Variants in LYPD6B observed in about 807,000 individuals in gnomAD.
LYPD6B encodes ly6/PLAUR domain-containing protein 6B.
A neutral mutation model predicts 22.8 loss-of-function variants in LYPD6B; 17 were observed. The observed-to-expected ratio is 0.75, with a 90% confidence interval of 0.51 to 1.12. The LOEUF is 1.12. Ranked by LOEUF, LYPD6B falls within the 50% of genes most tolerant of loss-of-function variation. LYPD6B has a pLI of 0.00. For missense variants in LYPD6B, 221 were observed against 258.3 expected, an observed-to-expected ratio of 0.86 and a Z score of 0.99; for synonymous variants, 106 against 91.6, an observed-to-expected ratio of 1.16 and a Z score of -0.90.
intron 1 of LYPD6B, among the ~76,000 whole-genome samples, chr2:149,067,378 T>A (rs1285403323): frequency 6.6e-6 from 1 of 152,152 alleles, no homozygotes; most frequent in Non-Finnish European, 1.5e-5. Context: ...AAACATCTTT[T>A]AAAAAGTTGT....
At chr2:149,042,143 A>G (rs1204875428) in intron 1 of LYPD6B, among the ~76,000 whole-genome samples, 1 of 152,258 alleles carries the variant, frequency 6.6e-6, no homozygotes, top group Non-Finnish European at 1.5e-5. Flanking sequence ...CTTGGTGAAG[A>G]TGCAATTAAT....
At chr2:149,174,460 C>G (rs1279872841) in intron 3 of LYPD6B, among the ~76,000 whole-genome samples, 1 of 152,130 alleles carries the variant, frequency 6.6e-6, no homozygotes, top group Non-Finnish European at 1.5e-5. Context: ...TTGTCTTGTG[C>G]TAGTTTTCAA....
At chr2:149,142,828 T>G (rs1227920622) in intron 2 of LYPD6B, among the ~76,000 whole-genome samples, 1 of 152,186 alleles carries the variant, frequency 6.6e-6, no homozygotes, top group Non-Finnish European at 1.5e-5. Context: ...ACTAAGTATT[T>G]TTTTAATCGA....
rs1327065975 is a variant in LYPD6B, at chr2:149,120,383, A to ATATAT, written c.-66-10499_-66-10498insATATT. Reference sequence around the variant, plus strand: ...TGTGTATATATATATATATATATATATTTTTTTTTTTTTTTTTTTGAGATG... The same window carrying ATATAT: ...TGTGTATATATATATATATATATATATATATTTTTTTTTTTTTTTTTTTTGAGATG... On this transcript the variant is annotated intron_variant, in intron 1 of 6. Coordinates refer to ENST00000409642, the MANE Select transcript of LYPD6B (RefSeq NM_177964.5). 6.2e-5 allele frequency among the ~76,000 whole-genome samples: 3 copies of ATATAT among 48,616 alleles called. No homozygotes were observed. In the East Asian group the frequency reaches 4.6e-3, roughly 75 times the overall value. The allele number at this position is 48,616 out of a possible 152,430, so 31.9% of individuals were successfully genotyped here.
intron 1 of LYPD6B, among the ~76,000 whole-genome samples, chr2:149,129,727 A>C (rs1687909916): frequency 6.6e-6 from 1 of 152,178 alleles, no homozygotes; most frequent in South Asian, 2.1e-4. Context: ...GAGGTAGGTA[A>C]GACTTATGGT....
In LYPD6B at chr2:149,076,134, G is replaced by A. The variant is rs189019014; in HGVS notation, c.-67+37333G>A. Among the ~76,000 whole-genome samples, 30 of 152,252 alleles carry A rather than the reference G, an allele frequency of 2.0e-4. 1 individual carries two copies. Among genetic ancestry groups the A allele is most frequent in the South Asian group, 6.2e-4 (3 of 4,832 alleles). The stretch of plus-strand genomic sequence containing the variant: ...GGTTTTGAATATCGGAAAGTGAAAC[G>A]TCAGGATTTAACACTGGAGTAACTT... On this transcript the variant is annotated intron_variant, in intron 1 of 6. Transcript: ENST00000409642.
intron 1 of LYPD6B, among the ~76,000 whole-genome samples, chr2:149,117,575 GATTTGTCAATGTGT>G (rs1403539866): frequency 1.3e-5 from 2 of 152,068 alleles, no homozygotes; most frequent in Non-Finnish European, 2.9e-5. Context: ...GCATTTTGGG[GATTTGTCAATGTGT>G]GAAGTGGTTA....
chr2:149,177,206 C>T (rs929529046), intron 3 of LYPD6B, among the ~76,000 whole-genome samples: 2 of 152,118 alleles, frequency 1.3e-5, no homozygotes, highest in African/African-American at 4.8e-5. Context: ...ATTTGATTAG[C>T]GTTGCATGGA....
chr2:149,155,422 C>T (rs757397006), intron 2 of LYPD6B, among the ~76,000 whole-genome samples: 1 of 152,220 alleles, frequency 6.6e-6, no homozygotes, highest in Non-Finnish European at 1.5e-5. Context: ...GGAATGTGCC[C>T]TGGACAAGAA....
At chr2:149,063,472 G>A (rs1684187205) in intron 1 of LYPD6B, among the ~76,000 whole-genome samples, 1 of 152,146 alleles carries the variant, frequency 6.6e-6, no homozygotes, top group Admixed American at 6.5e-5. Flanking sequence ...CCACTGAGGT[G>A]GAAATGGCTT....
intron 2 of LYPD6B, among the ~76,000 whole-genome samples, chr2:149,141,521 A>G (rs181640620): frequency 2.6e-5 from 4 of 152,326 alleles, no homozygotes; most frequent in Admixed American, 1.3e-4. Flanking sequence ...TAATGGGTCC[A>G]TAGTTTCTGA....
At chr2:149,167,150 A>G (rs1690482551) in intron 3 of LYPD6B, among the ~76,000 whole-genome samples, 1 of 151,976 alleles carries the variant, frequency 6.6e-6, no homozygotes, top group Non-Finnish European at 1.5e-5. Flanking sequence ...AAAACCTGAC[A>G]GGCAGGTCTC....
chr2:149,172,616 G>A (rs761323279), intron 3 of LYPD6B, among the ~76,000 whole-genome samples: 1 of 152,068 alleles, frequency 6.6e-6, no homozygotes, highest in Non-Finnish European at 1.5e-5. Context: ...ATGATGGTCT[G>A]GGATGCCCAG....
intron 1 of LYPD6B, among the ~76,000 whole-genome samples, chr2:149,127,528 C>A (rs1201387571): frequency 6.6e-6 from 1 of 152,188 alleles, no homozygotes; most frequent in Non-Finnish European, 1.5e-5. Context: ...CCAGGGCTAC[C>A]CTGACTTCTG....
chr2:149,206,759 A>G (rs893732326), intron 4 of LYPD6B, among the ~76,000 whole-genome samples: 2 of 152,130 alleles, frequency 1.3e-5, no homozygotes, highest in African/African-American at 2.4e-5. Flanking sequence ...GTGTATTTAC[A>G]TATGTGATAT....
intron 3 of LYPD6B, among the ~76,000 whole-genome samples, chr2:149,168,368 C>T (rs555222131): frequency 2.0e-4 from 31 of 152,122 alleles, no homozygotes; most frequent in Admixed American, 3.3e-4. Context: ...ACTTTAGCAA[C>T]GTTCTCATAA....
At chr2:149,150,492 G>T (rs768605624) in intron 2 of LYPD6B, among the ~76,000 whole-genome samples, 10 of 152,200 alleles carry the variant, frequency 6.6e-5, no homozygotes, top group Admixed American at 3.3e-4. Context: ...TTGTTTGTTT[G>T]TTTTTAGGAT....
At chr2:149,201,335 C>A (rs1693138354) in intron 3 of LYPD6B, among the ~76,000 whole-genome samples, 1 of 152,120 alleles carries the variant, frequency 6.6e-6, no homozygotes, top group South Asian at 2.1e-4. Flanking sequence ...ACAAAATAAC[C>A]TGAATGGCTT....
rs151242861 is a variant in LYPD6B at position 149,054,936 on chromosome 2, T to G, written c.-67+16135T>G. 3.1e-3 allele frequency among the ~76,000 whole-genome samples: 477 copies of G among 152,316 alleles called. 4 individuals are homozygous for G. The highest frequency in any genetic ancestry group is 0.011 in the African/African-American group (463 of 41,580). The stretch of plus-strand genomic sequence containing the variant: ...TCCTATTTATCTATTTTTTTTCTTT[T>G]TTTCGCTTGTGCTTTTGGCATCACA... On this transcript the variant is annotated intron_variant, in intron 1 of 6. Coordinates refer to ENST00000409642, the MANE Select transcript of LYPD6B (RefSeq NM_177964.5).
Sources: allele counts gnomAD v4.1 joint callset (sites outside exome capture counted in the v4.1 genomes callset), GRCh38; gene constraint gnomAD v4.1.1; transcripts MANE v1.5; gene names NCBI Gene and HGNC (gene_info 2026-07-23, HGNC 2026-07-21).